The following ZBTB43 variants were observed in gnomAD, a reference collection of about 807,000 sequenced individuals.
The protein encoded by ZBTB43 is zinc finger and BTB domain-containing protein 43.
A neutral mutation model predicts 31.1 loss-of-function variants in ZBTB43; 6 were observed. The observed-to-expected ratio is 0.19, with a 90% CI of 0.11 to 0.38. ZBTB43 has a LOEUF of 0.38. Ranked by LOEUF, ZBTB43 falls within the 10% of genes least tolerant of loss-of-function variation. ZBTB43 has a pLI of 1.00. For missense variants in ZBTB43, 379 were observed against 602.1 expected (o/e 0.63, Z 3.88); for synonymous variants, 212 against 221.7 (o/e 0.96, Z 0.39).
chr9:126,804,118 A>C (rs1253609117), upstream of ZBTB43, among the ~76,000 whole-genome samples: 1 of 152,190 alleles, frequency 6.6e-6, no homozygotes, highest in East Asian at 1.9e-4. Context: ...AAACGGGTCC[A>C]AAGGTAAGAG....
chr9:126,807,608 G>A (rs1164315257), intron 1 of ZBTB43, among the ~76,000 whole-genome samples: 1 of 152,056 alleles, frequency 6.6e-6, no homozygotes, highest in Non-Finnish European at 1.5e-5. Context: ...TCATTTTCAT[G>A]AACTTTTTTT....
chr9:126,814,216 C>T (rs1342480010), intron 2 of ZBTB43, among the ~76,000 whole-genome samples: 1 of 54,314 alleles, frequency 1.8e-5, no homozygotes, highest in Non-Finnish European at 3.6e-5. Flanking sequence ...ACAGAGTAAA[C>T]TTCATTGTGA....
At chr9:126,813,934 G>T (rs910632220) in intron 2 of ZBTB43, among the ~76,000 whole-genome samples, 2 of 151,956 alleles carry the variant, frequency 1.3e-5, no homozygotes, top group Admixed American at 6.6e-5. Context: ...GTGCATTTCC[G>T]CTTTGGAGAA....
chr9:126,816,274 T>C (rs2032384004), intron 2 of ZBTB43, among the ~76,000 whole-genome samples: 1 of 152,126 alleles, frequency 6.6e-6, no homozygotes, highest in Non-Finnish European at 1.5e-5. Flanking sequence ...CCTTCCACAT[T>C]ATCGATTCCA....
chr9:126,827,044 C>T (rs75217657), intron 2 of ZBTB43, among the ~76,000 whole-genome samples: 2,089 of 152,266 alleles, frequency 0.014, 50 homozygotes, highest in African/African-American at 0.048. Context: ...TCAGATTCTA[C>T]GCCTCCTCTG....
At chr9:126,821,710 ACT>A (rs1564203578) in intron 2 of ZBTB43, among the ~76,000 whole-genome samples, 1 of 152,072 alleles carries the variant, frequency 6.6e-6, no homozygotes, top group Admixed American at 6.6e-5. Flanking sequence ...AATGGACTCT[ACT>A]CCTGGTGAAG....
intron 2 of ZBTB43, among the ~76,000 whole-genome samples, chr9:126,821,723 A>C (rs2032514486): frequency 6.6e-6 from 1 of 152,226 alleles, no homozygotes; most frequent in Admixed American, 6.5e-5. Flanking sequence ...CCTGGTGAAG[A>C]TGGTGTGAAC....
chr9:126,811,327 T>G (rs1396196914), intron 2 of ZBTB43, among the ~76,000 whole-genome samples: 2 of 152,198 alleles, frequency 1.3e-5, no homozygotes, highest in Non-Finnish European at 2.9e-5. Context: ...TTTTACTGCT[T>G]ACCAGTTATA....
At chr9:126,817,940 A>G (rs947761002) in intron 2 of ZBTB43, among the ~76,000 whole-genome samples, 6 of 152,130 alleles carry the variant, frequency 3.9e-5, no homozygotes, top group African/African-American at 1.4e-4. Context: ...GAGAAATGCC[A>G]TATTCACCCA....
Position 126,833,643 on chromosome 9 carries a change from G to A in ZBTB43, c.1134G>A (p.Gly378=). The change falls in exon 3 of 3, where the codon GGG becomes GGA. Residue 378 remains glycine (G), a synonymous_variant. Coordinates refer to ENST00000373464, the MANE Select transcript of ZBTB43 (RefSeq NM_014007.4). This position sits in a 1 kb window ranked among gnomAD's most constrained non-coding sequence, Gnocchi z 7.9. ...ATDKLYPCQC[G]KSFTHKSQRD... ...ACAAGCTGTATCCTTGTCAGTGTGGGAAAAGTTTCACTCACAAGAGTCAGA... is the reference window on the plus strand; with the variant it reads ...ACAAGCTGTATCCTTGTCAGTGTGGAAAAAGTTTCACTCACAAGAGTCAGA... 1 of 1,613,468 alleles carries A rather than the reference G, an allele frequency of 6.2e-7. No individual in the cohort carries two copies. Among genetic ancestry groups the A allele is most frequent in the African/African-American group, 1.3e-5 (1 of 75,020 alleles).
In ZBTB43 at chr9:126,836,046, A is replaced by C. The variant is rs1297198422; in HGVS notation, c.*2133A>C. ...GATCACCCTCTCCCATGGTATTAGCAGAGCATTTTCTGCCTGTTTGGAAGG... is the reference window on the plus strand; with the variant it reads ...GATCACCCTCTCCCATGGTATTAGCCGAGCATTTTCTGCCTGTTTGGAAGG... On this transcript the variant is annotated 3_prime_UTR_variant, in exon 3 of 3. Transcript: ENST00000373464. 7.2e-5 allele frequency: 12 copies of C among 167,118 alleles called. No individual in the cohort carries two copies. The highest frequency in any genetic ancestry group is 1.6e-4 in the Non-Finnish European group (11 of 68,134). 10.4% of individuals were successfully genotyped at this position (167,118 alleles called of 1,614,324 possible).
intron 2 of ZBTB43, among the ~76,000 whole-genome samples, chr9:126,818,065 A>G (rs1273271158): frequency 1.4e-5 from 2 of 146,314 alleles, no homozygotes; most frequent in South Asian, 4.4e-4. Flanking sequence ...ATGGTATTCT[A>G]TTTATTTGTG....
At chr9:126,811,747 T>C (rs2032254197) in intron 2 of ZBTB43, among the ~76,000 whole-genome samples, 1 of 152,144 alleles carries the variant, frequency 6.6e-6, no homozygotes, top group South Asian at 2.1e-4. Context: ...TGCCTCAGCC[T>C]CCCGAGTAGC....
At chr9:126,810,391 G>A (rs1446914506) in intron 2 of ZBTB43, among the ~76,000 whole-genome samples, 2 of 149,666 alleles carry the variant, frequency 1.3e-5, no homozygotes, top group South Asian at 2.1e-4. Context: ...ACAGGGTTTC[G>A]CCTTCTTGGC....
intron 1 of ZBTB43, among the ~76,000 whole-genome samples, chr9:126,806,975 G>C (rs745545419): frequency 3.9e-5 from 6 of 152,138 alleles, no homozygotes; most frequent in Non-Finnish European, 8.8e-5. Flanking sequence ...AAACTCATAA[G>C]GTTGAAAAAT....
intron 1 of ZBTB43, among the ~76,000 whole-genome samples, chr9:126,808,027 A>T (rs1208431494): frequency 2.0e-5 from 3 of 152,196 alleles, no homozygotes; most frequent in African/African-American, 7.2e-5. Context: ...AATATTTTTT[A>T]AAATTTGTCG....
chr9:126,826,764 T>A (rs2032651294), intron 2 of ZBTB43, among the ~76,000 whole-genome samples: 1 of 152,152 alleles, frequency 6.6e-6, no homozygotes, highest in Admixed American at 6.6e-5. Flanking sequence ...ACGCCCGACC[T>A]CCTGGCCCCT....
chr9:126,823,765 A>G (rs2032568285), intron 2 of ZBTB43, among the ~76,000 whole-genome samples: 1 of 151,920 alleles, frequency 6.6e-6, no homozygotes, highest in Admixed American at 6.6e-5. Context: ...GTATGTTTTT[A>G]GTTATTTCCT....
At chr9:126,813,610 C>A (rs752168063) in intron 2 of ZBTB43, among the ~76,000 whole-genome samples, 1 of 152,026 alleles carries the variant, frequency 6.6e-6, no homozygotes, top group African/African-American at 2.4e-5. Context: ...AGGATCTTGC[C>A]GTTAGTGTGA....
Sources: allele counts gnomAD v4.1 joint callset (sites outside exome capture counted in the v4.1 genomes callset), GRCh38; gene constraint gnomAD v4.1.1; non-coding constraint Gnocchi (gnomAD v3.1); transcripts MANE v1.5; gene names NCBI Gene and HGNC (gene_info 2026-07-23, HGNC 2026-07-21).